ZNF423: variants seen among roughly 807,000 people sequenced by gnomAD.
The protein encoded by ZNF423 is Ebf-associated zinc finger protein.
ZNF423 carries 12 observed loss-of-function variants against 95.8 expected under a neutral mutation model. That is an observed-to-expected ratio of 0.13 (90% CI 0.08 to 0.20). The LOEUF is 0.20. Among genes scored for constraint, ZNF423 ranks in the 10% least tolerant of loss-of-function variants. The pLI is 1.00. For synonymous variants in ZNF423, 749 were observed against 711.9 expected, an observed-to-expected ratio of 1.05 and a Z score of -0.83; for missense variants, 1,316 against 1,737.1, an observed-to-expected ratio of 0.76 and a Z score of 4.31.
intron 3 of ZNF423, among the ~76,000 whole-genome samples, chr16:49,655,367 C>A (rs1328646471): frequency 2.6e-5 from 4 of 152,188 alleles, no homozygotes; most frequent in African/African-American, 9.7e-5. Flanking sequence ...CCTCCCATAA[C>A]TCCAGGTCTG....
At chr16:49,757,903 G>A (rs968223261) in intron 2 of ZNF423, among the ~76,000 whole-genome samples, 1 of 152,006 alleles carries the variant, frequency 6.6e-6, no homozygotes, top group African/African-American at 2.4e-5. Context: ...ACCCGCCCTC[G>A]GCTCCTCCCC....
intron 5 of ZNF423, among the ~76,000 whole-genome samples, chr16:49,585,460 G>A (rs1037266536): frequency 1.3e-5 from 2 of 152,162 alleles, no homozygotes; most frequent in African/African-American, 4.8e-5. Flanking sequence ...GGCCTCGATG[G>A]GGGGATGAGA....
chr16:49,825,761 A>T (rs1463145490), intron 1 of ZNF423, among the ~76,000 whole-genome samples: 1 of 152,196 alleles, frequency 6.6e-6, no homozygotes, highest in African/African-American at 2.4e-5. Context: ...CCTCAATATC[A>T]ATGAGCGAGG....
intron 1 of ZNF423, among the ~76,000 whole-genome samples, chr16:49,850,271 A>T (rs2035288802): frequency 6.6e-6 from 1 of 152,164 alleles, no homozygotes; most frequent in Non-Finnish European, 1.5e-5. Context: ...CAAAAACTTC[A>T]AGCGGGATGT....
At chr16:49,609,272 A>T (rs533797596) in intron 5 of ZNF423, among the ~76,000 whole-genome samples, 9 of 152,216 alleles carry the variant, frequency 5.9e-5, no homozygotes, top group Non-Finnish European at 1.3e-4. Flanking sequence ...GGGTTTAAAT[A>T]AGATCCACAG....
chr16:49,592,044 C>T (rs946679377), intron 5 of ZNF423, among the ~76,000 whole-genome samples: 1 of 152,198 alleles, frequency 6.6e-6, no homozygotes, highest in African/African-American at 2.4e-5. Flanking sequence ...TGTAATGCAT[C>T]AATAAAGGGT....
intron 5 of ZNF423, among the ~76,000 whole-genome samples, chr16:49,571,451 C>T (rs925808597): frequency 3.3e-5 from 5 of 151,926 alleles, no homozygotes; most frequent in Non-Finnish European, 5.9e-5. Flanking sequence ...AGGTCTGACA[C>T]GTGGAGCGCA....
intron 1 of ZNF423, among the ~76,000 whole-genome samples, chr16:49,811,913 G>A (rs2034759867): frequency 6.6e-6 from 1 of 152,222 alleles, no homozygotes. Flanking sequence ...ATGCCCTGCT[G>A]AGAGCCATTT....
intron 3 of ZNF423, among the ~76,000 whole-genome samples, chr16:49,662,054 G>A (rs868702148): frequency 1.3e-4 from 20 of 152,284 alleles, no homozygotes; most frequent in African/African-American, 4.6e-4. Flanking sequence ...CACAGAGACC[G>A]CTGGGCAGAG....
chr16:49,777,662 G>A (rs1019395403), intron 2 of ZNF423, among the ~76,000 whole-genome samples: 31 of 152,150 alleles, frequency 2.0e-4, no homozygotes, highest in African/African-American at 7.5e-4. Context: ...CCCAGGCACT[G>A]TGAATTAGCA....
intron 5 of ZNF423, among the ~76,000 whole-genome samples, chr16:49,598,919 G>C (rs1320673343): frequency 6.6e-6 from 1 of 152,222 alleles, no homozygotes; most frequent in Non-Finnish European, 1.5e-5. Flanking sequence ...GTTCAAAACT[G>C]GATGCTCAAC....
intron 1 of ZNF423, among the ~76,000 whole-genome samples, chr16:49,831,020 C>A (rs2035055289): frequency 6.6e-6 from 1 of 152,122 alleles, no homozygotes; most frequent in South Asian, 2.1e-4. Flanking sequence ...GGTTTCTCTG[C>A]ACCGCTCCCT....
intron 2 of ZNF423, among the ~76,000 whole-genome samples, chr16:49,772,819 T>G (rs1361584096): frequency 6.6e-6 from 1 of 152,178 alleles, no homozygotes; most frequent in Non-Finnish European, 1.5e-5. Flanking sequence ...TCACAGGTTG[T>G]ATTAGTCCAT....
At chr16:49,593,231 A>G (rs1031584078) in intron 5 of ZNF423, among the ~76,000 whole-genome samples, 18 of 152,122 alleles carry the variant, frequency 1.2e-4, no homozygotes, top group Admixed American at 2.6e-4. Context: ...CCAAGAGTTC[A>G]AGACCAGCCT....
intron 3 of ZNF423, among the ~76,000 whole-genome samples, chr16:49,661,836 CTGACCAG>C (rs2030246853): frequency 1.3e-5 from 2 of 152,322 alleles, no homozygotes; most frequent in South Asian, 2.1e-4. Context: ...AGCTCTACCA[CTGACCAG>C]TGGTGTAAAC....
chr16:49,756,557 C>A (rs1282657643), intron 2 of ZNF423, among the ~76,000 whole-genome samples: 1 of 152,176 alleles, frequency 6.6e-6, no homozygotes, highest in Non-Finnish European at 1.5e-5. Flanking sequence ...CTCCATGGCA[C>A]CTTTCAGGGG....
chr16:49,828,860 G>A (rs72780389), intron 1 of ZNF423, among the ~76,000 whole-genome samples: 2,261 of 152,332 alleles, frequency 0.015, 23 homozygotes, highest in Middle Eastern at 0.027. Context: ...AGAATGAACC[G>A]TATTTTTGGC....
intron 7 of ZNF423, among the ~76,000 whole-genome samples, chr16:49,512,188 A>T (rs1226968090): frequency 6.6e-6 from 1 of 152,220 alleles, no homozygotes; most frequent in Non-Finnish European, 1.5e-5. Context: ...ACCTATGCAC[A>T]GCTGGCACAG....
intron 3 of ZNF423, among the ~76,000 whole-genome samples, chr16:49,715,259 T>G (rs1159712761): frequency 8.6e-5 from 13 of 152,032 alleles, no homozygotes; most frequent in Admixed American, 8.5e-4. Context: ...GTGTTTGGCG[T>G]TGAAGGGAGC....
Sources: gnomAD v4.1 joint callset for allele counts (sites outside exome capture counted in the v4.1 genomes callset) on GRCh38, gnomAD v4.1.1 for gene constraint, MANE v1.5 for transcripts, NCBI Gene and HGNC (gene_info 2026-07-23, HGNC 2026-07-21) for gene names.